The following PTPRR variants were observed in gnomAD, a reference collection of about 807,000 sequenced individuals.
The protein encoded by PTPRR is protein tyrosine phosphatase receptor type R.
PTPRR carries 38 observed loss-of-function variants against 77.2 expected under a neutral mutation model. The observed-to-expected ratio is 0.49, with a 90% CI of 0.38 to 0.65. The LOEUF (loss-of-function observed/expected upper bound fraction) is 0.65, where lower values mean the gene tolerates loss of function less well. PTPRR is among the 30% of genes least tolerant of loss of function. The probability of loss-of-function intolerance (pLI) is 0.00; values close to 1 mark genes in which losing one functional copy is unlikely to be tolerated. For missense variants in PTPRR, 744 were observed against 799.2 expected, an observed-to-expected ratio of 0.93 and a Z score of 0.83; for synonymous variants, 299 against 283.1, an observed-to-expected ratio of 1.06 and a Z score of -0.57.
intron 5 of PTPRR, among the ~76,000 whole-genome samples, chr12:70,746,660 T>C (rs1890223082): frequency 6.6e-6 from 1 of 152,156 alleles, no homozygotes; most frequent in African/African-American, 2.4e-5. Flanking sequence ...AGAATTTTTA[T>C]TCTTACCACT....
At chr12:70,832,850 A>G (rs570098934) in intron 2 of PTPRR, among the ~76,000 whole-genome samples, 2 of 152,252 alleles carry the variant, frequency 1.3e-5, no homozygotes, top group East Asian at 1.9e-4. Flanking sequence ...GCTTCTACTC[A>G]TGGTGGGAGG....
chr12:70,800,268 C>G (rs1158432), intron 2 of PTPRR, among the ~76,000 whole-genome samples: 2 of 148,270 alleles, frequency 1.3e-5, no homozygotes, highest in African/African-American at 5.0e-5. Context: ...TGTTCTCTCT[C>G]TTTTTTTTTT....
chr12:70,678,378 T>G (rs1237245903), intron 10 of PTPRR, among the ~76,000 whole-genome samples: 3 of 152,176 alleles, frequency 2.0e-5, no homozygotes, highest in South Asian at 2.1e-4. Context: ...TCCTCACTCA[T>G]TAGCGTTTTC....
At chr12:70,912,804 T>C (rs898246685) in intron 1 of PTPRR, among the ~76,000 whole-genome samples, 7 of 152,174 alleles carry the variant, frequency 4.6e-5, no homozygotes, top group Admixed American at 1.3e-4. Flanking sequence ...ATATGGTACA[T>C]AAGCATTAGG....
intron 2 of PTPRR, among the ~76,000 whole-genome samples, chr12:70,815,139 A>AT (rs1891879894): frequency 7.5e-6 from 1 of 133,708 alleles, no homozygotes; most frequent in Non-Finnish European, 1.6e-5. Flanking sequence ...ATATCAAAAA[A>AT]AAAAAAAAAC....
intron 2 of PTPRR, among the ~76,000 whole-genome samples, chr12:70,873,564 G>T (rs1315351123): frequency 6.6e-6 from 1 of 152,104 alleles, no homozygotes; most frequent in African/African-American, 2.4e-5. Flanking sequence ...GAGAACTGAG[G>T]GATTTTCTCA....
At chr12:70,900,379 G>A (rs147069290) in intron 1 of PTPRR, among the ~76,000 whole-genome samples, 3 of 151,316 alleles carry the variant, frequency 2.0e-5, no homozygotes, top group African/African-American at 7.2e-5. Context: ...ATACAAAAAT[G>A]AATTAAAGAT....
chr12:70,718,964 G>A (rs1889138184), intron 6 of PTPRR, among the ~76,000 whole-genome samples: 1 of 152,146 alleles, frequency 6.6e-6, no homozygotes. Flanking sequence ...TGTCAGATGA[G>A]GACATTCGGA....
At chr12:70,837,688 C>T (rs35372845) in intron 2 of PTPRR, among the ~76,000 whole-genome samples, 2,935 of 152,156 alleles carry the variant, frequency 0.019, 41 homozygotes, top group African/African-American at 0.036. Flanking sequence ...TTCAGCTTTC[C>T]GGAAGCCTAC....
chr12:70,767,455 G>C (rs964984160), intron 2 of PTPRR, among the ~76,000 whole-genome samples: 27 of 151,586 alleles, frequency 1.8e-4, no homozygotes, highest in Admixed American at 1.8e-3. Flanking sequence ...AATTCAACAA[G>C]AAGAGCTAAC....
intron 4 of PTPRR, among the ~76,000 whole-genome samples, chr12:70,755,024 G>A (rs942448517): frequency 9.2e-5 from 14 of 152,198 alleles, no homozygotes; most frequent in Middle Eastern, 3.4e-3. Context: ...CAGAGAAGAA[G>A]CATGAATAAA....
At chr12:70,653,442 A>T (rs1282356972) in intron 13 of PTPRR, among the ~76,000 whole-genome samples, 1 of 152,190 alleles carries the variant, frequency 6.6e-6, no homozygotes, top group African/African-American at 2.4e-5. Context: ...AAGCAGTTAC[A>T]TGTGGGGTGT....
intron 2 of PTPRR, among the ~76,000 whole-genome samples, chr12:70,839,563 G>T (rs994971256): frequency 6.6e-6 from 1 of 152,124 alleles, no homozygotes; most frequent in Non-Finnish European, 1.5e-5. Flanking sequence ...TTAAAGTTAA[G>T]GAGGATAAAA....
chr12:70,829,739 G>C (rs1398780592), intron 2 of PTPRR, among the ~76,000 whole-genome samples: 1 of 152,126 alleles, frequency 6.6e-6, no homozygotes, highest in African/African-American at 2.4e-5. Flanking sequence ...TAAGGAGGTT[G>C]GTCTTGCCTT....
intron 3 of PTPRR, among the ~76,000 whole-genome samples, chr12:70,761,935 A>G (rs565175108): frequency 6.6e-6 from 1 of 152,306 alleles, no homozygotes; most frequent in South Asian, 2.1e-4. Flanking sequence ...GATTGTTCAG[A>G]TGTTCCCTGA....
intron 1 of PTPRR, among the ~76,000 whole-genome samples, chr12:70,911,708 C>A (rs1320858629): frequency 7.2e-6 from 1 of 138,192 alleles, no homozygotes; most frequent in African/African-American, 2.8e-5. Context: ...CAGGCTCCTG[C>A]CTATAGCATA....
rs973544359 is a variant in PTPRR, at chr12:70,648,879, A to C, written c.1880+7825T>G. Among the ~76,000 whole-genome samples, 26 of 152,292 alleles carry C rather than the reference A, an allele frequency of 1.7e-4. No individual in the cohort carries two copies. The South Asian group carries it at 1.9e-3, about 11-fold the overall frequency. On this transcript the variant is annotated intron_variant, in intron 13 of 13. Transcript: ENST00000283228. ...CTGAATTTGAACTCCTACTTGGAAA[A>C]AAAAAAAGAAATCTTATTTTAGTTC... is the stretch of plus-strand genomic sequence containing the variant.
chr12:70,700,492 T>C (rs1414462254), intron 7 of PTPRR, among the ~76,000 whole-genome samples: 1 of 152,194 alleles, frequency 6.6e-6, no homozygotes, highest in East Asian at 1.9e-4. Context: ...ATGCACCCTG[T>C]TGGCCAAACC....
chr12:70,871,478 AT>A (rs1199082372), intron 2 of PTPRR, among the ~76,000 whole-genome samples: 1 of 152,154 alleles, frequency 6.6e-6, no homozygotes, highest in African/African-American at 2.4e-5. Context: ...GGGCAAAATT[AT>A]GTATCTGAAG....
Sources: gnomAD v4.1 joint callset for allele counts (sites outside exome capture counted in the v4.1 genomes callset) on GRCh38, gnomAD v4.1.1 for gene constraint, MANE v1.5 for transcripts, NCBI Gene and HGNC (gene_info 2026-07-23, HGNC 2026-07-21) for gene names.